CDKAL1: variants seen among roughly 807,000 people sequenced by gnomAD.
CDKAL1 encodes the protein CDKAL1 threonylcarbamoyladenosine tRNA methylthiotransferase, also known as threonylcarbamoyladenosine tRNA methylthiotransferase.
Under a neutral mutation model 68.2 loss-of-function variants are expected in CDKAL1, and 32 were observed. The ratio of observed to expected loss-of-function variants is 0.47; its 90% CI spans 0.35 to 0.63. CDKAL1 has a LOEUF of 0.63. Among genes scored for constraint, CDKAL1 ranks in the 30% least tolerant of loss-of-function variants. The pLI, the probability that CDKAL1 is intolerant of heterozygous loss-of-function variation, is 0.00. For missense variants in CDKAL1, 606 were observed against 696.7 expected, an observed-to-expected ratio of 0.87 and a Z score of 1.47; for synonymous variants, 234 against 244.3, an observed-to-expected ratio of 0.96 and a Z score of 0.39.
chr6:20,608,856 C>T (rs1277555664), intron 4 of CDKAL1, among the ~76,000 whole-genome samples: 3 of 152,158 alleles, frequency 2.0e-5, no homozygotes, highest in Non-Finnish European at 4.4e-5. Context: ...TTTTAAGGCT[C>T]TCAAACTATT....
chr6:21,197,171 AATAAT>A lies in CDKAL1; in HGVS notation c.1300-848_1300-844del, dbSNP rs1197233762. Among the ~76,000 whole-genome samples the A allele has an allele frequency of 3.3e-3, 489 of 149,384 alleles. 5 individuals are homozygous for A. The highest frequency in any genetic ancestry group is 0.011 in the African/African-American group (465 of 40,562). ...AGACTCTGTCTCAAAAAAAAAAAAT[AATAAT>A]AATAATAATACTTGATACCTTAAGT... On this transcript the variant is annotated intron_variant, in intron 13 of 15. Transcript: ENST00000274695.
At chr6:20,984,785 G>A (rs536052087) in intron 10 of CDKAL1, among the ~76,000 whole-genome samples, 1 of 141,418 alleles carries the variant, frequency 7.1e-6, no homozygotes, top group African/African-American at 2.6e-5. Flanking sequence ...TGCTGGCTGA[G>A]CCTGGGGTTT....
At chr6:20,669,677 C>G (rs1003747057) in intron 5 of CDKAL1, among the ~76,000 whole-genome samples, 12 of 152,168 alleles carry the variant, frequency 7.9e-5, no homozygotes, top group African/African-American at 2.4e-4. Context: ...CTCCTGTATC[C>G]TTTTAATATG....
At chr6:20,614,989 C>T (rs1410326715) in intron 4 of CDKAL1, among the ~76,000 whole-genome samples, 31 of 136,980 alleles carry the variant, frequency 2.3e-4, no homozygotes, top group African/African-American at 7.7e-4. Flanking sequence ...TCCATGTGAT[C>T]TCATTGTTCA....
intron 13 of CDKAL1, chr6:21,135,773 C>G (rs997076421): frequency 4.5e-6 from 4 of 883,416 alleles, no homozygotes; most frequent in Non-Finnish European, 5.4e-6. Flanking sequence ...GCCAGAAAGA[C>G]AGCTTTCAAG....
intron 8 of CDKAL1, among the ~76,000 whole-genome samples, chr6:20,828,031 A>C (rs1777569932): frequency 6.6e-6 from 1 of 152,174 alleles, no homozygotes; most frequent in Admixed American, 6.6e-5. Flanking sequence ...GTCTGAAAAC[A>C]GTGATGAAAT....
chr6:21,052,035 T>G (rs1229570774), intron 11 of CDKAL1, among the ~76,000 whole-genome samples: 1 of 152,206 alleles, frequency 6.6e-6, no homozygotes, highest in Non-Finnish European at 1.5e-5. Flanking sequence ...TAGTCACTCA[T>G]TATGGCTTTT....
At chr6:20,911,416 T>C (rs1762463655) in intron 9 of CDKAL1, among the ~76,000 whole-genome samples, 1 of 152,242 alleles carries the variant, frequency 6.6e-6, no homozygotes, top group African/African-American at 2.4e-5. Context: ...TAGATTGTCT[T>C]CTTGTTGCTC....
chr6:20,600,789 C>CACATATATATATATATATATATAT (rs1368188844), intron 4 of CDKAL1, among the ~76,000 whole-genome samples: 1,362 of 130,272 alleles, frequency 0.01, 23 homozygotes, highest in African/African-American at 0.028. Flanking sequence ...TATATATATA[C>CACATATATATATATATATATATAT]ACACACACAC....
At chr6:20,822,918 TAC>T (rs1459287198) in intron 8 of CDKAL1, among the ~76,000 whole-genome samples, 1 of 152,182 alleles carries the variant, frequency 6.6e-6, no homozygotes, top group African/African-American at 2.4e-5. Flanking sequence ...TGTGAAAATG[TAC>T]AAATACACTC....
chr6:20,795,761 T>A (rs1420956505), intron 8 of CDKAL1, among the ~76,000 whole-genome samples: 1 of 152,242 alleles, frequency 6.6e-6, no homozygotes, highest in Non-Finnish European at 1.5e-5. Flanking sequence ...TATAATAGAT[T>A]TCTCATGTTG....
intron 6 of CDKAL1, chr6:20,756,098 T>G (rs1280965295): frequency 2.0e-5 from 3 of 152,260 alleles, no homozygotes; most frequent in Non-Finnish European, 2.9e-5. Context: ...ACTTGTTCTC[T>G]ATTCATGTTT....
intron 12 of CDKAL1, among the ~76,000 whole-genome samples, chr6:21,104,518 T>A (rs968597466): frequency 2.7e-5 from 4 of 146,872 alleles, no homozygotes; most frequent in East Asian, 4.0e-4. Context: ...AAACTTTATT[T>A]AAAAAAAAAA....
At chr6:20,688,990 C>T (rs1170062707) in intron 5 of CDKAL1, among the ~76,000 whole-genome samples, 1 of 152,190 alleles carries the variant, frequency 6.6e-6, no homozygotes, top group Non-Finnish European at 1.5e-5. Context: ...AGTCCTCTCC[C>T]CTTCAGGAGG....
At chr6:21,205,727 T>C (rs2151112789) in intron 15 of CDKAL1, among the ~76,000 whole-genome samples, 1 of 150,948 alleles carries the variant, frequency 6.6e-6, no homozygotes, top group Non-Finnish European at 1.5e-5. Flanking sequence ...GAGACGGGGT[T>C]TCACTGTGTT....
chr6:20,956,820 A>G (rs960265273), intron 10 of CDKAL1, among the ~76,000 whole-genome samples: 2 of 152,128 alleles, frequency 1.3e-5, no homozygotes, highest in Non-Finnish European at 2.9e-5. Context: ...GAGTTTAGCA[A>G]TTTTAATTTT....
intron 5 of CDKAL1, among the ~76,000 whole-genome samples, chr6:20,693,833 G>T (rs185263964): frequency 5.3e-5 from 8 of 151,918 alleles, no homozygotes; most frequent in African/African-American, 1.7e-4. Flanking sequence ...TAACTGATAG[G>T]AGTCATGCTT....
intron 5 of CDKAL1, among the ~76,000 whole-genome samples, chr6:20,664,762 C>A (rs1307347227): frequency 1.3e-5 from 2 of 152,058 alleles, no homozygotes; most frequent in East Asian, 1.9e-4. Context: ...TTAAAAAATT[C>A]TCTTCTATCT....
In CDKAL1 at chr6:21,231,444, A is replaced by G. The variant is rs116511863; in HGVS notation, c.*405A>G. On this transcript the variant is annotated 3_prime_UTR_variant, in exon 16 of 16. Transcript: ENST00000274695. Reference sequence around the variant, plus strand: ...CTTTTTCTTTGTTTTTTTTTTCCAGATGGAGTTTCGCTCTTGTCCCCCAGG... The same window carrying G: ...CTTTTTCTTTGTTTTTTTTTTCCAGGTGGAGTTTCGCTCTTGTCCCCCAGG... 1.6e-3 allele frequency: 243 copies of G among 153,044 alleles called. 3 individuals are homozygous for G. The highest frequency in any genetic ancestry group is 5.5e-3 in the African/African-American group (229 of 41,396). 9.5% of individuals were successfully genotyped at this position (153,044 alleles called of 1,614,324 possible).
Sources: gnomAD v4.1 joint callset for allele counts (sites outside exome capture counted in the v4.1 genomes callset) on GRCh38, gnomAD v4.1.1 for gene constraint, MANE v1.5 for transcripts, NCBI Gene and HGNC (gene_info 2026-07-23, HGNC 2026-07-21) for gene names.